Variants in WT1 observed in about 807,000 individuals in gnomAD.
The protein encoded by WT1 is Wilms tumor protein.
In WT1, 8 loss-of-function variants were observed where a neutral mutation model predicts 60.8. The observed-to-expected ratio is 0.13, with a 90% CI of 0.08 to 0.24. The LOEUF (loss-of-function observed/expected upper bound fraction) is 0.24. Ranked by LOEUF, WT1 falls within the 10% of genes least tolerant of loss-of-function variation. The probability of loss-of-function intolerance (pLI) is 1.00; values close to 1 mark genes in which losing one functional copy is unlikely to be tolerated. For missense variants in WT1, 568 were observed against 711.8 expected, an observed-to-expected ratio of 0.80 and a Z score of 2.30; for synonymous variants, 312 against 297.1, an observed-to-expected ratio of 1.05 and a Z score of -0.52.
Position 32,416,356 on chromosome 11 carries a change from G to A in WT1, c.1016+134C>T, listed in dbSNP as rs2234588. 74,843 of 1,065,936 alleles carry A rather than the reference G, an allele frequency of 0.07. 3,715 individuals are homozygous for A. Among genetic ancestry groups the A allele is most frequent in the African/African-American group, 0.2 (13,159 of 64,620 alleles). 66.0% of individuals were successfully genotyped at this position (1,065,936 alleles called of 1,614,324 possible). On this transcript the variant is annotated intron_variant, in intron 5 of 9. Coordinates refer to ENST00000452863, the MANE Select transcript of WT1 (RefSeq NM_024426.6). Reference sequence around the variant, plus strand: ...ATGATGAATAAGAAGAGGTGGGGGCGGGGGAGAGAGATTCTTCCCATCCAC... The same window carrying A: ...ATGATGAATAAGAAGAGGTGGGGGCAGGGGAGAGAGATTCTTCCCATCCAC...
In WT1 at chr11:32,416,596, G is replaced by A. The variant is rs1393879797; in HGVS notation, c.966-56C>T. ...AATGGAGCATGCATGGATCTGGCAA[G>A]CCCCCCAGATCCCAGAATCCAGTGA... is the stretch of plus-strand genomic sequence containing the variant. On this transcript the variant is annotated intron_variant, in intron 4 of 9. Coordinates refer to ENST00000452863, the MANE Select transcript of WT1 (RefSeq NM_024426.6). The A allele has an allele frequency of 3.7e-6, 6 of 1,604,804 alleles. No individual in the cohort carries two copies. The Admixed American group carries it at 5.0e-5, about 13-fold the overall frequency.
At chr11:32,412,106 G>A (rs1408541120) in intron 5 of WT1, among the ~76,000 whole-genome samples, 1 of 152,050 alleles carries the variant, frequency 6.6e-6, no homozygotes, top group Non-Finnish European at 1.5e-5. Context: ...TCACGAGCCC[G>A]CGAGGGAAGG....
chr11:32,399,960 G>A lies in WT1; in HGVS notation c.1101C>T (p.Phe367=), dbSNP rs1226385672. The A allele has an allele frequency of 1.2e-6, 2 of 1,614,224 alleles. No homozygotes were observed. Among genetic ancestry groups the A allele is most frequent in the Admixed American group, 1.7e-5 (1 of 60,032 alleles). ...TCTGTGTGCTCACCTGAATGCCTCTGAAGACACCGTGCGTGTGTATTCTGT... is the reference window on the plus strand; with the variant it reads ...TCTGTGTGCTCACCTGAATGCCTCTAAAGACACCGTGCGTGTGTATTCTGT... The change falls in exon 6 of 10, where the codon TTC becomes TTT. Residue 367 remains phenylalanine (F), a synonymous_variant. Transcript: ENST00000452863.
chr11:32,406,759 T>C (rs543872916), intron 5 of WT1, among the ~76,000 whole-genome samples: 1 of 152,162 alleles, frequency 6.6e-6, no homozygotes, highest in Non-Finnish European at 1.5e-5. Context: ...TTAAGATGCA[T>C]AAAAATGTAT....
At chr11:32,410,797 T>C (rs192603030) in intron 5 of WT1, among the ~76,000 whole-genome samples, 17 of 152,332 alleles carry the variant, frequency 1.1e-4, no homozygotes, top group African/African-American at 4.1e-4. Flanking sequence ...ATAAATAAAC[T>C]TGTTCGCTTT....
At chr11:32,428,911 C>T (rs1853166532) in intron 1 of WT1, 2 of 480,452 alleles carry the variant, frequency 4.2e-6, no homozygotes, top group South Asian at 2.1e-5. Flanking sequence ...GCTTCTGCAG[C>T]GAACCCCTGG....
At chr11:32,434,606 G>A in intron 1 of WT1, 94 bp downstream of exon 1, 2 of 1,589,310 alleles carry the variant, frequency 1.3e-6, no homozygotes, top group South Asian at 1.1e-5. Context: ...GGTAAGAGCT[G>A]CGGTCAAAAG....
intron 3 of WT1, among the ~76,000 whole-genome samples, chr11:32,424,318 C>T (rs1048958125): frequency 2.0e-5 from 3 of 152,158 alleles, no homozygotes; most frequent in African/African-American, 4.8e-5. Context: ...TTCTCACTTG[C>T]TGTGTGACTT....
chr11:32,434,945 G>T lies in WT1; in HGVS notation c.416C>A (p.Pro139Gln). Residue 139 changes from proline (P) to glutamine (Q), a missense_variant, in exon 1 of 10, where the codon CCG becomes CAG. Around this residue, in one of 3 missense-constraint regions of WT1, gnomAD observed 523 missense variants for 565.1 expected, o/e 0.93. Coordinates refer to ENST00000452863, the MANE Select transcript of WT1 (RefSeq NM_024426.6). ...CTGTTTGATGAAGGAGTGAGGCGGC[G>T]GCGGCGGGGGTGGCGGCGGAGCCGG... is the stretch of plus-strand genomic sequence containing the variant. 1 of 1,579,692 alleles carries T rather than the reference G, an allele frequency of 6.3e-7. No homozygotes were observed. Among genetic ancestry groups the T allele is most frequent in the East Asian group, 2.3e-5 (1 of 43,702 alleles).
intron 2 of WT1, 100 bp downstream of exon 2, chr11:32,428,397 T>C: frequency 2.5e-6 from 4 of 1,584,064 alleles, no homozygotes; most frequent in Non-Finnish European, 3.4e-6. Context: ...CTTTTAGATG[T>C]CCTCCTTTGC....
At chr11:32,402,829 G>T (rs1852196446) in intron 5 of WT1, among the ~76,000 whole-genome samples, 1 of 152,236 alleles carries the variant, frequency 6.6e-6, no homozygotes, top group Non-Finnish European at 1.5e-5. Flanking sequence ...AGGATCACAG[G>T]AGTGAGCCAC....
chr11:32,405,334 AT>A (rs1269339296), intron 5 of WT1, among the ~76,000 whole-genome samples: 3 of 152,160 alleles, frequency 2.0e-5, no homozygotes, highest in African/African-American at 7.2e-5. Flanking sequence ...CACCTGAGTT[AT>A]AAGTTCTTGC....
intron 5 of WT1, among the ~76,000 whole-genome samples, chr11:32,409,329 A>C (rs1267127343): frequency 6.6e-6 from 1 of 152,184 alleles, no homozygotes; most frequent in African/African-American, 2.4e-5. Context: ...TAAGACAAAA[A>C]CTTACTATTT....
In WT1 at chr11:32,388,879, G is replaced by C; in HGVS notation, c.*179C>G. The stretch of plus-strand genomic sequence containing the variant: ...GTCAACTAAAAGTAGGCAGGGCAGA[G>C]ACCAACTCTTCCAGGCACACCTGGT... On this transcript the variant is annotated 3_prime_UTR_variant, in exon 10 of 10. Coordinates refer to ENST00000452863, the MANE Select transcript of WT1 (RefSeq NM_024426.6). The C allele has an allele frequency of 8.8e-7, 1 of 1,141,422 alleles. No individual in the cohort carries two copies. Among genetic ancestry groups the C allele is most frequent in the South Asian group, 1.5e-5 (1 of 66,464 alleles). The allele number at this position is 1,141,422 out of a possible 1,614,324, so 70.7% of individuals were successfully genotyped here. A position where few individuals can be genotyped will look rare whatever the true frequency, so the allele number is the denominator to read the frequency against.
intron 1 of WT1, chr11:32,430,788 C>A: frequency 1.5e-6 from 2 of 1,316,576 alleles, no homozygotes; most frequent in African/African-American, 2.9e-5. Context: ...CCTTCAGGTC[C>A]CCCCGGGAGG....
At position 32,400,580 on chromosome 11, in the gene WT1, A is replaced by G. The variant is rs1852124631; in HGVS notation, c.1017-536T>C. On this transcript the variant is annotated intron_variant, in intron 5 of 9. Coordinates refer to ENST00000452863, the MANE Select transcript of WT1 (RefSeq NM_024426.6). ...AAATGACAGGTCAGTTTTCCAGATC[A>G]GCTTAACTCTTGGTAGCCAGCCTGT... 7 of 226,720 alleles carry G rather than the reference A, an allele frequency of 3.1e-5. No individual in the cohort carries two copies. The South Asian group carries it at 4.9e-4, about 16-fold the overall frequency. The allele number at this position is 226,720 out of a possible 1,614,324, so 14.0% of individuals were successfully genotyped here.
At chr11:32,417,745 G>T in intron 3 of WT1, 91 bp from the exon 4 acceptor site, 1 of 1,085,558 alleles carries the variant, frequency 9.2e-7, no homozygotes, top group Non-Finnish European at 1.4e-6. Context: ...AACTTTTCTT[G>T]AAAGTGCAAG....
chr11:32,422,024 G>A (rs778363943), intron 3 of WT1, among the ~76,000 whole-genome samples: 2 of 152,144 alleles, frequency 1.3e-5, no homozygotes, highest in East Asian at 1.9e-4. Flanking sequence ...CAGCTTTTTC[G>A]GTAATAGCTG....
intron 3 of WT1, among the ~76,000 whole-genome samples, chr11:32,425,891 A>T (rs1282676639): frequency 6.6e-6 from 1 of 152,254 alleles, no homozygotes; most frequent in East Asian, 1.9e-4. Flanking sequence ...CAGAAGCTGG[A>T]TTAGAAAACG....
Sources: gnomAD v4.1 joint callset for allele counts (sites outside exome capture counted in the v4.1 genomes callset) on GRCh38, gnomAD v4.1.1 for gene constraint, gnomAD v4.1.1 regional missense constraint, MANE v1.5 for transcripts, NCBI Gene and HGNC (gene_info 2026-07-23, HGNC 2026-07-21) for gene names.